The following NFX1 variants were observed in gnomAD, a reference collection of about 807,000 sequenced individuals.
The protein encoded by NFX1 is transcriptional repressor NF-X1.
NFX1 carries 69 observed loss-of-function variants against 137.2 expected under a neutral mutation model. That is an observed-to-expected ratio of 0.50 (90% CI 0.41 to 0.61). The LOEUF (loss-of-function observed/expected upper bound fraction) is 0.61, where lower values mean the gene tolerates loss of function less well. Ranked by LOEUF, NFX1 falls within the 20% of genes least tolerant of loss-of-function variation. NFX1 has a pLI of 0.00. For synonymous variants in NFX1, 495 were observed against 474.1 expected, an observed-to-expected ratio of 1.04 and a Z score of -0.57; for missense variants, 1,167 against 1,391.0, an observed-to-expected ratio of 0.84 and a Z score of 2.56.
chr9:33,342,712 C>A (rs1823272574), intron 12 of NFX1, 34 bp from the exon 13 acceptor site: 1 of 1,420,190 alleles, frequency 7.0e-7, no homozygotes, highest in Non-Finnish European at 9.6e-7. Context: ...AAATGAAGAC[C>A]ATTTTATGAA....
At position 33,351,643 on chromosome 9, in the gene NFX1, ATGTCAGAGACTC is replaced by A. The variant is rs1268360802; in HGVS notation, c.2514_2525del (p.Gln838_Cys841del). Reference sequence around the variant, plus strand: ...CCACGCTACCATGTGGGATGCACAAATGTCAGAGACTCTGTCACAAAGGGGAGTGTCTTGTGG... The same window carrying A: ...CCACGCTACCATGTGGGATGCACAAATGTCACAAAGGGGAGTGTCTTGTGG... On this transcript the variant is annotated inframe_deletion, in exon 16 of 24. Transcript: ENST00000379540. 1 of 1,613,886 alleles carries A rather than the reference ATGTCAGAGACTC, an allele frequency of 6.2e-7. No individual in the cohort carries two copies. The highest frequency in any genetic ancestry group is 8.5e-7 in the Non-Finnish European group (1 of 1,179,998).
intron 2 of NFX1, among the ~76,000 whole-genome samples, chr9:33,299,761 A>C (rs904632904): frequency 6.6e-6 from 1 of 152,210 alleles, no homozygotes; most frequent in African/African-American, 2.4e-5. Flanking sequence ...CAAATATTTA[A>C]TGGAGCACCT....
At chr9:33,358,994 C>T (rs186001542) in intron 19 of NFX1, among the ~76,000 whole-genome samples, 46 of 151,956 alleles carry the variant, frequency 3.0e-4, no homozygotes, top group Admixed American at 1.4e-3. Flanking sequence ...CCACCACACC[C>T]GGCCTAAATT....
chr9:33,350,324 CA>C (rs1823591903), intron 15 of NFX1, among the ~76,000 whole-genome samples: 1 of 146,890 alleles, frequency 6.8e-6, no homozygotes, highest in African/African-American at 2.5e-5. Context: ...AAAAAAAAGG[CA>C]AAATAAAACG....
At chr9:33,302,815 G>A (rs538976861) in intron 3 of NFX1, among the ~76,000 whole-genome samples, 12 of 151,608 alleles carry the variant, frequency 7.9e-5, no homozygotes, top group Non-Finnish European at 1.5e-4. Context: ...GATTACAGGC[G>A]CGCACCACCA....
intron 5 of NFX1, among the ~76,000 whole-genome samples, chr9:33,308,455 T>C (rs927476945): frequency 6.6e-6 from 1 of 151,912 alleles, no homozygotes; most frequent in Non-Finnish European, 1.5e-5. Flanking sequence ...AAATAATAAA[T>C]AAATAAATAA....
chr9:33,336,373 G>A lies in NFX1; in HGVS notation c.2036-2137G>A, dbSNP rs549913573. On this transcript the variant is annotated intron_variant, in intron 11 of 23. Transcript: ENST00000379540. The stretch of plus-strand genomic sequence containing the variant: ...TGGGATTACAGGTGCCCGCCACCGC[G>A]CCCGGCTAATTTTTGTATTTTTAGT... Among the ~76,000 whole-genome samples the A allele has an allele frequency of 1.7e-3, 258 of 151,962 alleles. 1 individual carries two copies. Among genetic ancestry groups the A allele is most frequent in the African/African-American group, 5.5e-3 (229 of 41,452 alleles).
chr9:33,328,586 A>T lies in NFX1; in HGVS notation c.1912A>T (p.Ile638Phe). The T allele has an allele frequency of 6.2e-7, 1 of 1,608,332 alleles. No individual in the cohort carries two copies. Among genetic ancestry groups the T allele is most frequent in the Non-Finnish European group, 8.5e-7 (1 of 1,175,396 alleles). The change falls in exon 10 of 24, where the codon ATT (isoleucine) becomes TTT (phenylalanine). Residue 638 changes from isoleucine to phenylalanine, a missense_variant. By Grantham distance (21) the Ile-to-Phe change is conservative (BLOSUM62 0). This residue lies in a region of NFX1 where 488 missense variants were observed against 691.5 expected (regional missense o/e 0.71). Coordinates refer to ENST00000379540, the MANE Select transcript of NFX1 (RefSeq NM_002504.6). ...TCTTTTCGTTTTTATTAAAGATTTC[A>T]TTCATACCTGTGAAAAGCTCTGCCA... Reference protein sequence around the residue: ...KPLPCGSLDFIHTCEKLCHEG... With the variant: ...KPLPCGSLDFFHTCEKLCHEG...
intron 14 of NFX1, among the ~76,000 whole-genome samples, chr9:33,346,113 G>C (rs1823411212): frequency 6.6e-6 from 1 of 152,108 alleles, no homozygotes; most frequent in South Asian, 2.1e-4. Context: ...CTCCTTCCTT[G>C]GGGATCTTAG....
At chr9:33,309,246 A>G (rs1278410312) in intron 5 of NFX1, among the ~76,000 whole-genome samples, 1 of 152,068 alleles carries the variant, frequency 6.6e-6, no homozygotes, top group Non-Finnish European at 1.5e-5. Context: ...AGTCCCACCT[A>G]CTGGAGAGGC....
intron 19 of NFX1, among the ~76,000 whole-genome samples, chr9:33,357,244 G>A (rs555480214): frequency 6.6e-6 from 1 of 152,206 alleles, no homozygotes; most frequent in Non-Finnish European, 1.5e-5. Context: ...GGAGCTTGCA[G>A]TGAGCCGAGA....
intron 15 of NFX1, chr9:33,348,671 C>CA: frequency 1.1e-6 from 1 of 876,262 alleles, no homozygotes; most frequent in Non-Finnish European, 1.4e-6. Flanking sequence ...CACAAAGTTT[C>CA]AATTTGTAAA....
chr9:33,362,241 A>G (rs748801998), intron 19 of NFX1, among the ~76,000 whole-genome samples: 1 of 152,124 alleles, frequency 6.6e-6, no homozygotes, highest in Non-Finnish European at 1.5e-5. Context: ...AAATAGAACT[A>G]CCATATGATC....
intron 22 of NFX1, 150 bp from the exon 23 acceptor site, chr9:33,367,365 G>A: frequency 1.5e-6 from 1 of 676,768 alleles, no homozygotes; most frequent in East Asian, 2.9e-5. Flanking sequence ...GGGGTTAAAT[G>A]CAGGTGGCCA....
At chr9:33,315,474 A>T (rs1179124591) in intron 7 of NFX1, among the ~76,000 whole-genome samples, 1 of 151,924 alleles carries the variant, frequency 6.6e-6, no homozygotes, top group Non-Finnish European at 1.5e-5. Context: ...TCTACATTTT[A>T]TGTTCCTCCT....
chr9:33,345,467 ACT>A (rs1205063625), intron 14 of NFX1, among the ~76,000 whole-genome samples: 1 of 151,984 alleles, frequency 6.6e-6, no homozygotes, highest in Non-Finnish European at 1.5e-5. Flanking sequence ...ACAGAGTGAG[ACT>A]CTGTCTCAAA....
At position 33,370,278 on chromosome 9, in the gene NFX1, T is replaced by C. The variant is rs1056943314; in HGVS notation, c.*300T>C. ...TGAGAGTTGAGGGACTATTGGGCTT[T>C]ATTTGGACAAACCAAACTTTTAGCC... On this transcript the variant is annotated 3_prime_UTR_variant, in exon 24 of 24. Transcript: ENST00000379540. The C allele has an allele frequency of 2.9e-5, 7 of 237,906 alleles. No individual in the cohort carries two copies. Among genetic ancestry groups the C allele is most frequent in the Middle Eastern group, 1.3e-3 (1 of 764 alleles). 14.7% of individuals were successfully genotyped at this position (237,906 alleles called of 1,614,324 possible). A position where few individuals can be genotyped will look rare whatever the true frequency, so the allele number is the denominator to read the frequency against.
chr9:33,294,494 A>T lies in NFX1; in HGVS notation c.100A>T (p.Thr34Ser), dbSNP rs749619721. The change falls in exon 2 of 24, where the codon ACT (threonine) becomes TCT (serine). Residue 34 changes from threonine (T) to serine (S), a missense_variant. By Grantham distance (58) the Thr-to-Ser change is moderately conservative (BLOSUM62 1). Coordinates refer to ENST00000379540, the MANE Select transcript of NFX1 (RefSeq NM_002504.6). ...EKKNSGLNCGTQRRLDSNRIG... is the reference protein window; with the variant it reads ...EKKNSGLNCGSQRRLDSNRIG... ...AAAAAATTCTGGTCTAAATTGTGGG[A>T]CTCAAAGGAGACTAGACTCTAATAG... 2.5e-6 allele frequency: 4 copies of T among 1,613,280 alleles called. No homozygotes were observed. The African/African-American group carries it at 5.3e-5, about 22-fold the overall frequency.
chr9:33,303,267 TG>T lies in NFX1; in HGVS notation c.1270+1del. 6.2e-7 allele frequency: 1 copy of T among 1,613,676 alleles called. No homozygotes were observed. The highest frequency in any genetic ancestry group is 1.1e-5 in the South Asian group (1 of 91,072). On this transcript the variant is annotated frameshift_variant and splice_region_variant, in exon 4 of 24. Coordinates refer to ENST00000379540, the MANE Select transcript of NFX1 (RefSeq NM_002504.6). LOFTEE classifies it high-confidence loss of function. ...TTCCTAATACCTACACTTGTTTCTG[TG>T]GTAAGTTTGTTTATATACACTGGAG... is the stretch of plus-strand genomic sequence containing the variant. ...HVPNTYTCFC[G>X]KVKNPEWSRN...
Sources: allele counts gnomAD v4.1 joint callset (sites outside exome capture counted in the v4.1 genomes callset), GRCh38; gene constraint gnomAD v4.1.1; regional missense constraint gnomAD v4.1.1; transcripts MANE v1.5; gene names NCBI Gene and HGNC (gene_info 2026-07-23, HGNC 2026-07-21).